The following ZNF322 variants were observed in gnomAD, a reference collection of about 807,000 sequenced individuals.
ZNF322 encodes HLA complex group 12.
A neutral mutation model predicts 18.3 loss-of-function variants in ZNF322; 1 was observed. The ratio of observed to expected loss-of-function variants is 0.05; its 90% CI spans 0.02 to 0.26. The LOEUF is 0.26. Among genes scored for constraint, ZNF322 ranks in the 10% least tolerant of loss-of-function variants. ZNF322 has a pLI of 1.00. For missense variants in ZNF322, 36 were observed against 403.6 expected, an observed-to-expected ratio of 0.09 and a Z score of 7.80; for synonymous variants, 17 against 130.7, an observed-to-expected ratio of 0.13 and a Z score of 5.93.
chr6:26,653,065 A>G (rs1765702017), intron 2 of ZNF322, among the ~76,000 whole-genome samples: 1 of 152,242 alleles, frequency 6.6e-6, no homozygotes, highest in Non-Finnish European at 1.5e-5. Flanking sequence ...ATGACAATGC[A>G]TTTTGTTGTC....
chr6:26,646,885 TAAA>T (rs1456212996), intron 2 of ZNF322, among the ~76,000 whole-genome samples: 1 of 152,172 alleles, frequency 6.6e-6, no homozygotes, highest in East Asian at 1.9e-4. Flanking sequence ...AATAAACTGT[TAAA>T]AAACTATTCA....
At chr6:26,643,487 T>C (rs1433562540) in intron 3 of ZNF322, among the ~76,000 whole-genome samples, 172 bp downstream of exon 3, 1 of 152,234 alleles carries the variant, frequency 6.6e-6, no homozygotes, top group Admixed American at 6.5e-5. Flanking sequence ...AGGTACAAAG[T>C]TGGTGCTTAA....
chr6:26,658,959 G>C (rs1290958243), intron 1 of ZNF322: 2 of 152,048 alleles, frequency 1.3e-5, no homozygotes, highest in African/African-American at 4.8e-5. Context: ...GTTTTTGTTT[G>C]TATTATCTCA....
At chr6:26,645,678 C>G (rs988047214) in intron 2 of ZNF322, among the ~76,000 whole-genome samples, 1 of 151,822 alleles carries the variant, frequency 6.6e-6, no homozygotes, top group African/African-American at 2.4e-5. Context: ...CCTTAAAAAC[C>G]AAATAATTAA....
chr6:26,654,246 T>C (rs563718306), intron 2 of ZNF322, among the ~76,000 whole-genome samples: 128 of 152,330 alleles, frequency 8.4e-4, no homozygotes, highest in African/African-American at 2.9e-3. Flanking sequence ...AAGGTTTATA[T>C]AGAGAATAAA....
intron 2 of ZNF322, among the ~76,000 whole-genome samples, chr6:26,645,906 C>G (rs1765550549): frequency 3.9e-5 from 6 of 151,942 alleles, no homozygotes; most frequent in Admixed American, 3.9e-4. Flanking sequence ...TGGCACATCC[C>G]TGTAATCCCA....
At chr6:26,654,498 G>A (rs1258934913) in intron 2 of ZNF322, among the ~76,000 whole-genome samples, 1 of 152,078 alleles carries the variant, frequency 6.6e-6, no homozygotes, top group Non-Finnish European at 1.5e-5. Flanking sequence ...GTAAGGAAGT[G>A]CTCAAAAAGT....
intron 2 of ZNF322, among the ~76,000 whole-genome samples, chr6:26,657,052 T>A (rs571484425): frequency 6.6e-6 from 1 of 152,200 alleles, no homozygotes; most frequent in East Asian, 2.0e-4. Flanking sequence ...ATTGAGACCA[T>A]CCTGGCTAAC....
intron 2 of ZNF322, among the ~76,000 whole-genome samples, chr6:26,653,020 G>A (rs1765700918): frequency 6.6e-6 from 1 of 152,122 alleles, no homozygotes; most frequent in Non-Finnish European, 1.5e-5. Flanking sequence ...TGAAATACCA[G>A]TTCTCACCAA....
chr6:26,638,813 ACT>A, intron 3 of ZNF322, 85 bp from the exon 4 acceptor site: 1 of 456,472 alleles, frequency 2.2e-6, no homozygotes, highest in South Asian at 3.1e-5. Context: ...GAAAAGACAA[ACT>A]CTGTATCAGA....
rs571238159 is a variant in ZNF322, at chr6:26,640,035, C to A, written c.-175-1307G>T. Among the ~76,000 whole-genome samples the A allele has an allele frequency of 1.4e-4, 22 of 152,250 alleles. No individual in the cohort carries two copies. The South Asian group carries it at 4.1e-3, about 29-fold the overall frequency. ...TAGCAATTCCACCCTCCCTCTCCTG[C>A]ATTATCAATTTATTCCTTCGTATTG... On this transcript the variant is annotated intron_variant, in intron 3 of 3. Coordinates refer to ENST00000415922, the MANE Select transcript of ZNF322 (RefSeq NM_024639.5).
rs1393330477 is a variant in ZNF322 at position 26,636,069 on chromosome 6, G to C, written c.*1276C>G. On this transcript the variant is annotated 3_prime_UTR_variant, in exon 4 of 4. Transcript: ENST00000415922. ...CACTAAGTAAAAAGCTGAGTATGCTGTTTCTTTATAAGATTGGTCCTGCAA... is the reference window on the plus strand; with the variant it reads ...CACTAAGTAAAAAGCTGAGTATGCTCTTTCTTTATAAGATTGGTCCTGCAA... 1 of 148,202 alleles carries C rather than the reference G, an allele frequency of 6.7e-6. No homozygotes were observed. Among genetic ancestry groups the C allele is most frequent in the Non-Finnish European group, 1.5e-5 (1 of 67,342 alleles). 9.2% of individuals were successfully genotyped at this position (148,202 alleles called of 1,614,324 possible).
intron 3 of ZNF322, among the ~76,000 whole-genome samples, chr6:26,642,292 G>A (rs782138775): frequency 6.6e-6 from 1 of 152,334 alleles, no homozygotes; most frequent in South Asian, 2.1e-4. Flanking sequence ...TAGTGAGAGA[G>A]TGATCAATAA....
intron 3 of ZNF322, among the ~76,000 whole-genome samples, chr6:26,641,441 A>G (rs2113659365): frequency 6.6e-6 from 1 of 152,312 alleles, no homozygotes; most frequent in Admixed American, 6.5e-5. Flanking sequence ...AGCTAAACAA[A>G]ACAGACATGT....
chr6:26,640,322 C>T (rs1489878766), intron 3 of ZNF322, among the ~76,000 whole-genome samples: 2 of 152,204 alleles, frequency 1.3e-5, no homozygotes, highest in African/African-American at 2.4e-5. Context: ...AAATCTGACT[C>T]GTAGTTACTA....
intron 2 of ZNF322, among the ~76,000 whole-genome samples, chr6:26,648,010 C>G (rs1765587438): frequency 6.6e-6 from 1 of 151,896 alleles, no homozygotes; most frequent in Admixed American, 6.6e-5. Flanking sequence ...TCCTGAATAG[C>G]TGGGGTATAG....
chr6:26,658,996 C>G (rs1214050956), intron 1 of ZNF322: 1 of 152,198 alleles, frequency 6.6e-6, no homozygotes, highest in Non-Finnish European at 1.5e-5. Flanking sequence ...ACCCATTCGT[C>G]TACCACTACA....
intron 2 of ZNF322, among the ~76,000 whole-genome samples, chr6:26,652,327 T>C (rs1765685496): frequency 6.6e-6 from 1 of 151,844 alleles, no homozygotes; most frequent in South Asian, 2.1e-4. Flanking sequence ...CATTTAAAAA[T>C]CTCCAAAATA....
intron 2 of ZNF322, among the ~76,000 whole-genome samples, chr6:26,649,253 AAC>A (rs1184061923): frequency 6.6e-6 from 1 of 152,216 alleles, no homozygotes; most frequent in African/African-American, 2.4e-5. Flanking sequence ...ATATTAAAAC[AAC>A]AGAGTTCCAA....
Sources: allele counts gnomAD v4.1 joint callset (sites outside exome capture counted in the v4.1 genomes callset), GRCh38; gene constraint gnomAD v4.1.1; transcripts MANE v1.5; gene names NCBI Gene and HGNC (gene_info 2026-07-23, HGNC 2026-07-21).